CLEC2A: variants seen among roughly 807,000 people sequenced by gnomAD.
CLEC2A encodes C-type lectin domain family 2 member A.
Under a neutral mutation model 18.6 loss-of-function variants are expected in CLEC2A, and 19 were observed. The observed-to-expected ratio is 1.02, with a 90% CI of 0.71 to 1.50. CLEC2A has a LOEUF of 1.50. CLEC2A is among the 40% of genes most tolerant of loss of function. The pLI is 0.00. For missense variants in CLEC2A, 190 were observed against 207.9 expected (o/e 0.91, Z 0.53); for synonymous variants, 74 against 64.0 (o/e 1.16, Z -0.75).
At chr12:9,896,357 T>C (rs1192429326), downstream of CLEC2A, among the ~76,000 whole-genome samples, 4 of 152,026 alleles carry the variant, frequency 2.6e-5, no homozygotes, top group Admixed American at 2.6e-4. Context: ...AGCTCAGACT[T>C]CTCCACTTTG....
At chr12:9,929,866 G>T (rs1360016240) in intron 1 of CLEC2A, among the ~76,000 whole-genome samples, 1 of 151,832 alleles carries the variant, frequency 6.6e-6, no homozygotes. Flanking sequence ...CCTTTTCAAT[G>T]TATTTATTTT....
At chr12:9,899,112 C>T in intron 4 of CLEC2A, 2 of 517,176 alleles carry the variant, frequency 3.9e-6, no homozygotes, top group South Asian at 6.0e-5. Flanking sequence ...GGCGAAAAGC[C>T]CTACTAGTAA....
intron 1 of CLEC2A, 59 bp downstream of exon 1, chr12:9,932,216 G>T: frequency 8.2e-7 from 1 of 1,216,484 alleles, no homozygotes; most frequent in Non-Finnish European, 1.2e-6. Context: ...TTTTTAAGCT[G>T]TCCTGTATTT....
the CLEC2A span, among the ~76,000 whole-genome samples, chr12:9,880,797 A>C: frequency 6.6e-6 from 1 of 152,176 alleles, no homozygotes; most frequent in Non-Finnish European, 1.5e-5. Context: ...AATAAGGCCC[A>C]GTCACATTAC....
chr12:9,910,117 C>T (rs112803304), downstream of CLEC2A, among the ~76,000 whole-genome samples: 219 of 152,248 alleles, frequency 1.4e-3, no homozygotes, highest in African/African-American at 5.2e-3. Flanking sequence ...CTTCACTGGA[C>T]CCAAATTTTG....
At chr12:9,926,497 G>A (rs79632554) in intron 1 of CLEC2A, among the ~76,000 whole-genome samples, 154 bp from the exon 2 acceptor site, 2,211 of 152,238 alleles carry the variant, frequency 0.015, 50 homozygotes, top group African/African-American at 0.051. Context: ...CCATCAAAAA[G>A]TGCAAGGAAG....
chr12:9,902,335 G>A (rs187431225), intron 4 of CLEC2A, among the ~76,000 whole-genome samples: 226 of 151,010 alleles, frequency 1.5e-3, no homozygotes, highest in African/African-American at 5.4e-3. Context: ...CTGGGTTCAA[G>A]CAATTCTCCT....
At chr12:9,918,166 A>T (rs936853333) in intron 3 of CLEC2A, among the ~76,000 whole-genome samples, 1 of 151,674 alleles carries the variant, frequency 6.6e-6, no homozygotes, top group African/African-American at 2.4e-5. Context: ...TTGTCATGAA[A>T]TTTGCCTGTT....
chr12:9,923,178 A>G (rs1363840660), intron 2 of CLEC2A, among the ~76,000 whole-genome samples: 1 of 152,184 alleles, frequency 6.6e-6, no homozygotes, highest in Non-Finnish European at 1.5e-5. Flanking sequence ...TTTGCAATCT[A>G]TCCATTTGAC....
At chr12:9,878,525 G>A in the CLEC2A span, among the ~76,000 whole-genome samples, 1 of 152,106 alleles carries the variant, frequency 6.6e-6, no homozygotes, top group Non-Finnish European at 1.5e-5. Context: ...TAACTATATA[G>A]AGAACACTGA....
intron 3 of CLEC2A, among the ~76,000 whole-genome samples, chr12:9,920,915 G>A (rs1863161639): frequency 6.6e-6 from 1 of 152,110 alleles, no homozygotes; most frequent in Admixed American, 6.5e-5. Context: ...AATGCAAATT[G>A]AAAAGGGTTT....
At chr12:9,902,303 G>A (rs1017707609) in intron 4 of CLEC2A, among the ~76,000 whole-genome samples, 3 of 148,192 alleles carry the variant, frequency 2.0e-5, no homozygotes, top group Admixed American at 6.8e-5. Context: ...ACACAATCTC[G>A]GCTGACTGCA....
intron 4 of CLEC2A, among the ~76,000 whole-genome samples, chr12:9,899,409 G>A (rs538938443): frequency 1.3e-5 from 2 of 152,168 alleles, no homozygotes; most frequent in Non-Finnish European, 2.9e-5. Context: ...GAAAAAGAAG[G>A]CATTTTTAAA....
chr12:9,887,264 A>G, the CLEC2A span, among the ~76,000 whole-genome samples: 9 of 152,328 alleles, frequency 5.9e-5, no homozygotes, highest in Admixed American at 2.0e-4. Flanking sequence ...CAGATAATAC[A>G]TAGAAAGAGA....
At chr12:9,895,205 T>C (rs1348917023), downstream of CLEC2A, among the ~76,000 whole-genome samples, 1 of 152,220 alleles carries the variant, frequency 6.6e-6, no homozygotes, top group East Asian at 1.9e-4. Context: ...CACTATGTAG[T>C]TTCTATTGAA....
At chr12:9,893,132 G>C in the CLEC2A span, 1 of 1,535,122 alleles carries the variant, frequency 6.5e-7, no homozygotes, top group Middle Eastern at 1.7e-4. Context: ...CACAGCTACA[G>C]GCACATTTAC....
the CLEC2A span, among the ~76,000 whole-genome samples, chr12:9,882,971 C>T: frequency 6.6e-6 from 1 of 151,968 alleles, no homozygotes; most frequent in Non-Finnish European, 1.5e-5. Context: ...TTTTAATATA[C>T]AAATGTGTAC....
intron 2 of CLEC2A, among the ~76,000 whole-genome samples, chr12:9,922,579 G>A (rs532511674): frequency 6.6e-6 from 1 of 152,172 alleles, no homozygotes; most frequent in Non-Finnish European, 1.5e-5. Context: ...TTTAGGTTTC[G>A]AGGTTAGGGT....
At chr12:9,885,190 CA>C in the CLEC2A span, among the ~76,000 whole-genome samples, 3 of 151,646 alleles carry the variant, frequency 2.0e-5, no homozygotes, top group Non-Finnish European at 4.4e-5. Context: ...TGCTCAAATG[CA>C]AGCTTGGTAT....
Sources: allele counts gnomAD v4.1 joint callset (sites outside exome capture counted in the v4.1 genomes callset), GRCh38; gene constraint gnomAD v4.1.1; transcripts MANE v1.5; gene names NCBI Gene and HGNC (gene_info 2026-07-23, HGNC 2026-07-21).